Variants in TENM2 observed in about 807,000 individuals in gnomAD.
TENM2 encodes teneurin-2.
A neutral mutation model predicts 245.2 loss-of-function variants in TENM2; 52 were observed. The ratio of observed to expected loss-of-function variants is 0.21; its 90% CI spans 0.17 to 0.27. The LOEUF (loss-of-function observed/expected upper bound fraction) is 0.27, where lower values mean the gene tolerates loss of function less well. Among genes scored for constraint, TENM2 ranks in the 10% least tolerant of loss-of-function variants. The probability of loss-of-function intolerance (pLI) is 1.00; values close to 1 mark genes in which losing one functional copy is unlikely to be tolerated. For missense variants in TENM2, 3,046 were observed against 3,666.8 expected, an observed-to-expected ratio of 0.83 and a Z score of 4.37; for synonymous variants, 1,363 against 1,438.9, an observed-to-expected ratio of 0.95 and a Z score of 1.19.
chr5:167,718,756 T>C (rs562993457), intron 2 of TENM2, among the ~76,000 whole-genome samples: 2 of 152,200 alleles, frequency 1.3e-5, no homozygotes, highest in African/African-American at 4.8e-5. Flanking sequence ...CCAGTTTGAG[T>C]CAATAGTTTG....
the TENM2 span, among the ~76,000 whole-genome samples, chr5:167,254,495 C>T: frequency 2.0e-5 from 3 of 152,104 alleles, no homozygotes; most frequent in African/African-American, 7.2e-5. Context: ...TCTGGGTCAG[C>T]CAATGAACCA....
At chr5:168,170,435 C>T (rs140084479) in intron 13 of TENM2, among the ~76,000 whole-genome samples, 17,792 of 151,896 alleles carry the variant, frequency 0.12, 1,094 homozygotes, top group Middle Eastern at 0.17. Context: ...ACCCAGGAGG[C>T]GGAGGCTGCA....
At chr5:167,290,191 A>G (rs750908893) in intron 1 of TENM2, among the ~76,000 whole-genome samples, 2 of 152,172 alleles carry the variant, frequency 1.3e-5, no homozygotes, top group Admixed American at 6.5e-5. Flanking sequence ...TTGTTGTTTT[A>G]TATGGGAGGC....
intron 2 of TENM2, among the ~76,000 whole-genome samples, chr5:167,551,886 T>G (rs1772970369): frequency 2.0e-5 from 3 of 152,124 alleles, no homozygotes; most frequent in Non-Finnish European, 2.9e-5. Context: ...GTCTCCCAAG[T>G]TGGTGTTGAC....
chr5:167,389,419 G>T (rs1290797498), intron 2 of TENM2, among the ~76,000 whole-genome samples: 1 of 151,826 alleles, frequency 6.6e-6, no homozygotes, highest in African/African-American at 2.4e-5. Flanking sequence ...TACAGAGTTG[G>T]CATGTTTTAC....
At chr5:167,385,336 A>G (rs139318587) in intron 2 of TENM2, among the ~76,000 whole-genome samples, 1 of 148,436 alleles carries the variant, frequency 6.7e-6, no homozygotes, top group African/African-American at 2.5e-5. Flanking sequence ...TTATATTTTT[A>G]TCTCTCATTT....
At chr5:168,105,946 G>A (rs1345915094) in intron 9 of TENM2, among the ~76,000 whole-genome samples, 1 of 152,016 alleles carries the variant, frequency 6.6e-6, no homozygotes, top group Non-Finnish European at 1.5e-5. Context: ...GTGCTTCCTC[G>A]GATTGTTTGT....
intron 3 of TENM2, among the ~76,000 whole-genome samples, chr5:167,893,634 T>G (rs933010790): frequency 1.5e-5 from 2 of 137,074 alleles, no homozygotes; most frequent in Admixed American, 7.2e-5. Flanking sequence ...TTTTTTGTTG[T>G]TTTTTTTTTT....
At chr5:167,727,100 A>ATTTATTTT (rs1554106383) in intron 2 of TENM2, among the ~76,000 whole-genome samples, 1 of 125,420 alleles carries the variant, frequency 8.0e-6, no homozygotes, top group Non-Finnish European at 1.6e-5. Context: ...GAATCCATTA[A>ATTTATTTT]TTTCTTTTTT....
At chr5:167,183,160 C>T in the TENM2 span, among the ~76,000 whole-genome samples, 6 of 152,208 alleles carry the variant, frequency 3.9e-5, no homozygotes, top group South Asian at 1.2e-3. Context: ...CTCTCATTCA[C>T]GCACATGATT....
At chr5:167,184,538 C>A in the TENM2 span, among the ~76,000 whole-genome samples, 1 of 152,088 alleles carries the variant, frequency 6.6e-6, no homozygotes, top group African/African-American at 2.4e-5. Flanking sequence ...TTAATGGCTG[C>A]AGAAGTGATC....
chr5:167,114,766 A>G, the TENM2 span, among the ~76,000 whole-genome samples: 10 of 152,300 alleles, frequency 6.6e-5, 1 homozygote, highest in South Asian at 2.1e-3. Flanking sequence ...CCAAAACTTG[A>G]AAAGGCCTTT....
chr5:168,160,290 G>A (rs1289595986), intron 12 of TENM2, among the ~76,000 whole-genome samples: 1 of 152,176 alleles, frequency 6.6e-6, no homozygotes, highest in African/African-American at 2.4e-5. Flanking sequence ...ACTGGGGACG[G>A]CTTTCCCTCC....
chr5:167,230,410 C>T, the TENM2 span, among the ~76,000 whole-genome samples: 9 of 152,288 alleles, frequency 5.9e-5, no homozygotes, highest in East Asian at 1.9e-4. Context: ...TGACACTTCT[C>T]TGTTGGATTC....
In TENM2 at chr5:168,199,929, T is replaced by C. The variant is rs560787038; in HGVS notation, c.3228T>C (p.Thr1076=). Residue 1076 remains threonine (T), a synonymous_variant, in exon 17 of 29, where the codon ACT becomes ACC. Coordinates refer to ENST00000518659, the Ensembl canonical transcript of TENM2. Reference sequence around the variant, plus strand: ...AACTTCGCTATCTGAGCTCTAGAACTGCAGGGTACAAGTCACTGCTGAAGA... The same window carrying C: ...AACTTCGCTATCTGAGCTCTAGAACCGCAGGGTACAAGTCACTGCTGAAGA... 9 of 1,614,004 alleles carry C rather than the reference T, an allele frequency of 5.6e-6. No individual in the cohort carries two copies. The Admixed American group carries it at 8.3e-5, about 15-fold the overall frequency.
At chr5:168,245,147 T>TA (rs1235119276) in intron 26 of TENM2, among the ~76,000 whole-genome samples, 1 of 147,466 alleles carries the variant, frequency 6.8e-6, no homozygotes, top group Admixed American at 7.0e-5. Flanking sequence ...CTACAAGGAC[T>TA]TCCCTCCTGC....
At chr5:167,899,340 C>T (rs942296522) in intron 3 of TENM2, among the ~76,000 whole-genome samples, 1 of 152,050 alleles carries the variant, frequency 6.6e-6, no homozygotes, top group Non-Finnish European at 1.5e-5. Context: ...CAATACCAAA[C>T]GCCAAAGACA....
chr5:167,209,977 A>T, the TENM2 span, among the ~76,000 whole-genome samples: 837 of 152,300 alleles, frequency 5.5e-3, 8 homozygotes, highest in African/African-American at 0.019. Flanking sequence ...AAACTTCTAG[A>T]TGAAGGAAAC....
intron 6 of TENM2, 103 bp downstream of exon 8, chr5:168,047,652 A>C: frequency 7.4e-7 from 1 of 1,357,978 alleles, no homozygotes; most frequent in Non-Finnish European, 9.9e-7. Flanking sequence ...AGGTATGCCA[A>C]AAGAAAAAGA....
Sources: gnomAD v4.1 joint callset for allele counts (sites outside exome capture counted in the v4.1 genomes callset) on GRCh38, gnomAD v4.1.1 for gene constraint, MANE v1.5 for transcripts, NCBI Gene and HGNC (gene_info 2026-07-23, HGNC 2026-07-21) for gene names.